The following KDM4C variants were observed in gnomAD, a reference collection of about 807,000 sequenced individuals.
The protein encoded by KDM4C is lysine demethylase 4C, also known as lysine-specific demethylase 4C.
Under a neutral mutation model 129.3 loss-of-function variants are expected in KDM4C, and 81 were observed. The ratio of observed to expected loss-of-function variants is 0.63; its 90% CI spans 0.52 to 0.75. The LOEUF is 0.75. Among genes scored for constraint, KDM4C ranks in the 30% least tolerant of loss-of-function variants. The pLI is 0.00. For missense variants in KDM4C, 1,457 were observed against 1,304.0 expected (o/e 1.12, Z -1.81); for synonymous variants, 573 against 456.1 (o/e 1.26, Z -3.26).
chr9:7,115,512 T>C (rs1838798788), intron 18 of KDM4C, among the ~76,000 whole-genome samples: 2 of 152,160 alleles, frequency 1.3e-5, no homozygotes, highest in Admixed American at 6.5e-5. Flanking sequence ...TCCAACATCT[T>C]GTAACACATA....
At chr9:6,832,956 G>A (rs538919281) in intron 4 of KDM4C, among the ~76,000 whole-genome samples, 1 of 148,056 alleles carries the variant, frequency 6.8e-6, no homozygotes, top group East Asian at 2.0e-4. Flanking sequence ...GGCTGGTCTT[G>A]AACTCCTGAC....
intron 2 of KDM4C, among the ~76,000 whole-genome samples, chr9:6,802,730 C>T (rs902201399): frequency 4.6e-5 from 7 of 152,142 alleles, no homozygotes; most frequent in African/African-American, 7.2e-5. Flanking sequence ...CCTCAGCCTC[C>T]GGAGGAGCTT....
At chr9:7,060,067 GTGTTCTCACATTCC>G (rs1831403931) in intron 17 of KDM4C, among the ~76,000 whole-genome samples, 3 of 152,088 alleles carry the variant, frequency 2.0e-5, no homozygotes, top group Admixed American at 2.0e-4. Context: ...CTTCAATCCA[GTGTTCTCACATTCC>G]TTGCAATGAT....
chr9:6,901,234 G>T (rs558422551), intron 8 of KDM4C, among the ~76,000 whole-genome samples: 5 of 152,250 alleles, frequency 3.3e-5, no homozygotes, highest in African/African-American at 1.2e-4. Flanking sequence ...GCAGGGCCCT[G>T]GGCACCCCCC....
rs182209785 is a variant in KDM4C, at chr9:6,782,232, G to T, written c.-17-10740G>T. ...AGAGCATTTAAAAAGGACGTTGTCAGTTGGTGGGGAGTGTTGCCCAAAAAG... is the reference window on the plus strand; with the variant it reads ...AGAGCATTTAAAAAGGACGTTGTCATTTGGTGGGGAGTGTTGCCCAAAAAG... On this transcript the variant is annotated intron_variant, in intron 1 of 21. Coordinates refer to ENST00000381309, the MANE Select transcript of KDM4C (RefSeq NM_015061.6). Among the ~76,000 whole-genome samples the T allele has an allele frequency of 1.7e-3, 260 of 152,336 alleles. 4 individuals are homozygous for T. Among genetic ancestry groups the T allele is most frequent in the Admixed American group, 0.015 (227 of 15,300 alleles).
intron 4 of KDM4C, chr9:6,834,325 C>T (rs533755405): frequency 3.3e-4 from 95 of 292,222 alleles, no homozygotes; most frequent in African/African-American, 1.9e-3. Flanking sequence ...CATGAGCCAC[C>T]CCATCTGGCC....
rs762251419 is a variant in KDM4C at position 6,805,667 on chromosome 9, A to G, written c.213A>G (p.Ala71=). ...YDDIDNLLIP[A]PIQQMVTGQS... ...ACATTGATAATTTGCTCATTCCAGC[A>G]CCAATTCAGCAGATGGTCACAGGGC... The change falls in exon 3 of 22, where the codon GCA becomes GCG. Residue 71 remains alanine, a synonymous_variant. Transcript: ENST00000381309. 2 of 1,614,002 alleles carry G rather than the reference A, an allele frequency of 1.2e-6. No individual in the cohort carries two copies. Among genetic ancestry groups the G allele is most frequent in the African/African-American group, 1.3e-5 (1 of 74,912 alleles).
chr9:6,932,808 T>C lies in KDM4C; in HGVS notation c.921+39576T>C, dbSNP rs576369348. On this transcript the variant is annotated intron_variant, in intron 8 of 21. Coordinates refer to ENST00000381309, the MANE Select transcript of KDM4C (RefSeq NM_015061.6). The stretch of plus-strand genomic sequence containing the variant: ...AGGTGCCAATGGCATCAGCGGCCTC[T>C]GCCAAGGGTACTGCAAAACATCGTA... 6.0e-4 allele frequency among the ~76,000 whole-genome samples: 92 copies of C among 152,344 alleles called. 1 individual carries two copies. The highest frequency in any genetic ancestry group is 2.2e-3 in the African/African-American group (90 of 41,582).
chr9:7,017,038 T>C (rs2132205906), intron 15 of KDM4C, among the ~76,000 whole-genome samples: 1 of 151,548 alleles, frequency 6.6e-6, no homozygotes, highest in East Asian at 2.0e-4. Context: ...TGGGCTCAAG[T>C]GATCTTCCCA....
intron 8 of KDM4C, among the ~76,000 whole-genome samples, chr9:6,896,379 T>C (rs945878358): frequency 8.5e-5 from 13 of 152,120 alleles, no homozygotes; most frequent in African/African-American, 3.1e-4. Flanking sequence ...ATCTGATAAA[T>C]TATTTGTTGT....
At chr9:6,880,145 C>T in intron 6 of KDM4C, 84 bp downstream of exon 6, 3 of 754,856 alleles carry the variant, frequency 4.0e-6, no homozygotes, top group Non-Finnish European at 6.6e-6. Flanking sequence ...GTACTTTTTA[C>T]AATATAGACC....
intron 8 of KDM4C, among the ~76,000 whole-genome samples, chr9:6,912,715 G>C (rs990035548): frequency 6.6e-6 from 1 of 152,174 alleles, no homozygotes; most frequent in Non-Finnish European, 1.5e-5. Flanking sequence ...TTGTAAGGTT[G>C]TTTCTTTCCC....
At chr9:6,901,023 A>G (rs1022184982) in intron 8 of KDM4C, among the ~76,000 whole-genome samples, 15 of 152,032 alleles carry the variant, frequency 9.9e-5, no homozygotes, top group Admixed American at 9.2e-4. Context: ...TTCAGTGTTT[A>G]TAATAGTAAA....
At chr9:6,978,124 T>C (rs143300732) in intron 8 of KDM4C, among the ~76,000 whole-genome samples, 1 of 152,306 alleles carries the variant, frequency 6.6e-6, no homozygotes, top group African/African-American at 2.4e-5. Context: ...TGAGGATAGT[T>C]ACCACTGTTA....
intron 2 of KDM4C, among the ~76,000 whole-genome samples, chr9:6,800,680 G>A (rs922631182): frequency 3.9e-5 from 6 of 152,082 alleles, no homozygotes; most frequent in Non-Finnish European, 7.4e-5. Flanking sequence ...AGGCTGGAGC[G>A]CAGTGGTGTG....
upstream of KDM4C, chr9:6,757,781 C>G: frequency 1.0e-6 from 1 of 985,558 alleles, no homozygotes; most frequent in Non-Finnish European, 1.2e-6. Flanking sequence ...CTTTCCCCTC[C>G]GGAAAGAATG....
chr9:6,817,842 C>T (rs1176523149), intron 4 of KDM4C, among the ~76,000 whole-genome samples: 1 of 147,252 alleles, frequency 6.8e-6, no homozygotes, highest in African/African-American at 2.5e-5. Flanking sequence ...TCTTGGCTCA[C>T]TGCAACCTGT....
At chr9:6,799,998 G>A (rs1828624849) in intron 2 of KDM4C, among the ~76,000 whole-genome samples, 1 of 151,936 alleles carries the variant, frequency 6.6e-6, no homozygotes. Context: ...CAAGGTGGGA[G>A]GATTGCTTGA....
chr9:7,029,281 T>A (rs1465306978), intron 15 of KDM4C, among the ~76,000 whole-genome samples: 1 of 129,318 alleles, frequency 7.7e-6, no homozygotes, highest in Non-Finnish European at 1.6e-5. Flanking sequence ...TCTTTCTGGG[T>A]TTCCCCCCAC....
Sources: allele counts gnomAD v4.1 joint callset (sites outside exome capture counted in the v4.1 genomes callset), GRCh38; gene constraint gnomAD v4.1.1; transcripts MANE v1.5; gene names NCBI Gene and HGNC (gene_info 2026-07-23, HGNC 2026-07-21).